The following ARHGAP6 variants were observed in gnomAD, a reference collection of about 807,000 sequenced individuals.
ARHGAP6 encodes the protein rho GTPase-activating protein 6.
Under a neutral mutation model 55.7 loss-of-function variants are expected in ARHGAP6, and 16 were observed. The ratio of observed to expected loss-of-function variants is 0.29; its 90% confidence interval spans 0.19 to 0.44. ARHGAP6 has a LOEUF of 0.44. ARHGAP6 is among the 20% of genes least tolerant of loss of function. The pLI is 1.00. For missense variants in ARHGAP6, 698 were observed against 808.9 expected (o/e 0.86, Z 1.66); for synonymous variants, 382 against 360.9 (o/e 1.06, Z -0.66).
chrX:11,655,784 A>G (rs961651051), intron 1 of ARHGAP6, among the ~76,000 whole-genome samples: 1 of 112,675 alleles, frequency 8.9e-6, no homozygotes, highest in Non-Finnish European at 1.9e-5. Context: ...AGTAAATTTT[A>G]GAACAAGATG....
intron 1 of ARHGAP6, among the ~76,000 whole-genome samples, chrX:11,260,706 C>T (rs1255280494): frequency 1.8e-5 from 2 of 111,574 alleles, no homozygotes; most frequent in Non-Finnish European, 3.8e-5. Context: ...TTTATGTGTA[C>T]AAAATATCCT....
At chrX:11,203,105 A>C (rs1267121229) in intron 2 of ARHGAP6, among the ~76,000 whole-genome samples, 1 of 111,514 alleles carries the variant, frequency 9.0e-6, no homozygotes, top group African/African-American at 3.3e-5. Context: ...CTAGCAATCA[A>C]TATATTTTTA....
chrX:11,572,536 G>A (rs2051536330), intron 1 of ARHGAP6, among the ~76,000 whole-genome samples: 1 of 111,448 alleles, frequency 9.0e-6, no homozygotes, highest in South Asian at 3.8e-4. Context: ...TTTTATGGCT[G>A]CATAGTATTC....
At chrX:11,252,092 T>C (rs145259068) in intron 2 of ARHGAP6, among the ~76,000 whole-genome samples, 402 of 112,203 alleles carry the variant, frequency 3.6e-3, no homozygotes, top group African/African-American at 0.011. Flanking sequence ...CAGAAATAAT[T>C]AATGGAGACA....
chrX:11,331,091 C>T (rs993737380), intron 1 of ARHGAP6, among the ~76,000 whole-genome samples: 3 of 111,738 alleles, frequency 2.7e-5, no homozygotes, highest in African/African-American at 6.5e-5. Context: ...CAAATCAGAA[C>T]CCCTTTTCCT....
At chrX:11,194,316 G>T (rs1162346557) in intron 3 of ARHGAP6, among the ~76,000 whole-genome samples, 3 of 112,231 alleles carry the variant, frequency 2.7e-5, no homozygotes, top group African/African-American at 9.7e-5. Flanking sequence ...AGCAGATTCT[G>T]CTGTGACAGA....
rs756250664 is a variant in ARHGAP6 at position 11,600,005 on chromosome X, T to C, written c.588+64236A>G. 4.5e-5 allele frequency among the ~76,000 whole-genome samples: 5 copies of C among 111,956 alleles called. No homozygotes were observed. In the South Asian group the frequency reaches 1.9e-3, roughly 42 times the overall value. On this transcript the variant is annotated intron_variant, in intron 1 of 12. Transcript: ENST00000337414. Reference sequence around the variant, plus strand: ...GAGTAAATGGAACAGAGATGGCAATTTGTAATAAGTCTGGGCTTTCAGTGA... The same window carrying C: ...GAGTAAATGGAACAGAGATGGCAATCTGTAATAAGTCTGGGCTTTCAGTGA...
chrX:11,651,196 G>T lies in ARHGAP6; in HGVS notation c.588+13045C>A, dbSNP rs2052580070. Among the ~76,000 whole-genome samples, 5 of 111,521 alleles carry T rather than the reference G, an allele frequency of 4.5e-5. No homozygotes were observed. In the Admixed American group the frequency reaches 4.8e-4, roughly 11 times the overall value. ...GCAAGTTTGTTACATGGGTAAACTT[G>T]TGTCACGGGGGTTTAGCTATACAGA... is the stretch of plus-strand genomic sequence containing the variant. On this transcript the variant is annotated intron_variant, in intron 1 of 12. Coordinates refer to ENST00000337414, the MANE Select transcript of ARHGAP6 (RefSeq NM_013427.3).
chrX:11,261,332 T>C (rs1174044115), intron 1 of ARHGAP6, among the ~76,000 whole-genome samples: 1 of 111,145 alleles, frequency 9.0e-6, no homozygotes, highest in African/African-American at 3.3e-5. Flanking sequence ...AAGGTCATAG[T>C]CTCCCTTTGA....
At chrX:11,635,814 T>C (rs906056156) in intron 1 of ARHGAP6, among the ~76,000 whole-genome samples, 2 of 112,068 alleles carry the variant, frequency 1.8e-5, no homozygotes, top group African/African-American at 6.5e-5. Flanking sequence ...CTCTTCACTT[T>C]GGGCGTTGCA....
chrX:11,495,560 C>T (rs1197417000), intron 1 of ARHGAP6, among the ~76,000 whole-genome samples: 1 of 111,678 alleles, frequency 9.0e-6, no homozygotes, highest in Non-Finnish European at 1.9e-5. Flanking sequence ...GAGAGATGAA[C>T]TGTATCTGGG....
At chrX:11,338,671 C>T (rs1489220723) in intron 1 of ARHGAP6, among the ~76,000 whole-genome samples, 1 of 112,203 alleles carries the variant, frequency 8.9e-6, no homozygotes, top group Non-Finnish European at 1.9e-5. Flanking sequence ...TGTCAGTTTT[C>T]ACTTCCCAGA....
chrX:11,625,655 A>G (rs2147169584), intron 1 of ARHGAP6, among the ~76,000 whole-genome samples: 1 of 112,079 alleles, frequency 8.9e-6, no homozygotes, highest in South Asian at 3.7e-4. Context: ...AATTTGTTAT[A>G]TATTTCAAAA....
Position 11,142,239 on chromosome X carries a change from T to G in ARHGAP6, c.2251A>C (p.Met751Leu). Residue 751 changes from methionine (M) to leucine (L), a missense_variant, in exon 12 of 13, where the codon ATG becomes CTG. Around this residue, in one of 3 missense-constraint regions of ARHGAP6, gnomAD observed 322 missense variants for 451.1 expected, o/e 0.71. Transcript: ENST00000337414. Reference sequence around the variant, plus strand: ...TTTAAAATTAATACTTCACCTGTCATTCCTGGGTCTTTGGATCCGCTTTTT... The same window carrying G: ...TTTAAAATTAATACTTCACCTGTCAGTCCTGGGTCTTTGGATCCGCTTTTT... ...TLKSGSKDPG[M>L]TGSSGDIFES... The G allele has an allele frequency of 8.4e-7, 1 of 1,189,224 alleles. No homozygotes were observed. Among genetic ancestry groups the G allele is most frequent in the South Asian group, 1.8e-5 (1 of 54,186 alleles).
chrX:11,428,231 T>C (rs930386861), intron 1 of ARHGAP6, among the ~76,000 whole-genome samples: 4 of 110,962 alleles, frequency 3.6e-5, no homozygotes, highest in African/African-American at 1.3e-4. Flanking sequence ...TCTGTGAGAG[T>C]CTCAAATTGT....
intron 1 of ARHGAP6, among the ~76,000 whole-genome samples, chrX:11,516,613 G>A (rs746612751): frequency 4.4e-4 from 49 of 112,074 alleles, no homozygotes; most frequent in Non-Finnish European, 7.9e-4. Flanking sequence ...TTACTTACTC[G>A]TTGTAGCAAT....
At chrX:11,521,745 G>A (rs1385892548) in intron 1 of ARHGAP6, among the ~76,000 whole-genome samples, 1 of 110,441 alleles carries the variant, frequency 9.1e-6, no homozygotes, top group Non-Finnish European at 1.9e-5. Flanking sequence ...AAATTACCTT[G>A]GGCAGTATGG....
intron 1 of ARHGAP6, among the ~76,000 whole-genome samples, chrX:11,608,389 C>A (rs1452440537): frequency 9.0e-6 from 1 of 111,568 alleles, no homozygotes; most frequent in Non-Finnish European, 1.9e-5. Flanking sequence ...AAAATAGGTG[C>A]CTAGTAAACT....
intron 2 of ARHGAP6, among the ~76,000 whole-genome samples, chrX:11,230,778 CTTTG>C (rs1464226809): frequency 4.5e-5 from 5 of 110,411 alleles, no homozygotes; most frequent in Non-Finnish European, 9.5e-5. Flanking sequence ...ATATATATGA[CTTTG>C]TTTTTTAGAA....
Sources: allele counts gnomAD v4.1 joint callset (sites outside exome capture counted in the v4.1 genomes callset), GRCh38; gene constraint gnomAD v4.1.1; regional missense constraint gnomAD v4.1.1; transcripts MANE v1.5; gene names NCBI Gene and HGNC (gene_info 2026-07-23, HGNC 2026-07-21).